The following SPRR2G variants were observed in gnomAD, a reference collection of about 807,000 sequenced individuals.
SPRR2G encodes small proline-rich protein 2G.
In SPRR2G, 1 loss-of-function variant was observed where a neutral mutation model predicts 0.7. The ratio of observed to expected loss-of-function variants is 1.49; its 90% CI spans 0.53 to 7.06. The LOEUF is 7.06. SPRR2G is among the 30% of genes most tolerant of loss of function. The pLI, the probability that SPRR2G is intolerant of heterozygous loss-of-function variation, is 0.14. For missense variants in SPRR2G, 96 were observed against 88.5 expected (o/e 1.09, Z -0.34); for synonymous variants, 38 against 33.9 (o/e 1.12, Z -0.42).
chr1:153,188,832 T>C, the SPRR2G span, among the ~76,000 whole-genome samples: 4 of 152,190 alleles, frequency 2.6e-5, no homozygotes, highest in African/African-American at 9.7e-5. Flanking sequence ...CCCTGGTCTG[T>C]GGGTTGCCAA....
the SPRR2G span, among the ~76,000 whole-genome samples, chr1:153,200,625 T>C: frequency 2.0e-5 from 3 of 152,096 alleles, no homozygotes; most frequent in Admixed American, 6.5e-5. Context: ...TATCATTTTA[T>C]AGATGAAGGA....
At chr1:153,165,844 A>G in the SPRR2G span, among the ~76,000 whole-genome samples, 4 of 152,120 alleles carry the variant, frequency 2.6e-5, no homozygotes, top group African/African-American at 9.7e-5. Flanking sequence ...GAAGATGAAA[A>G]ACTAAACTCT....
chr1:153,189,141 T>A, the SPRR2G span, among the ~76,000 whole-genome samples: 601 of 152,392 alleles, frequency 3.9e-3, 8 homozygotes, highest in African/African-American at 0.013. Context: ...ATCTATGTTC[T>A]TGAAAGAGGT....
chr1:153,167,292 T>C, the SPRR2G span, among the ~76,000 whole-genome samples: 1 of 151,278 alleles, frequency 6.6e-6, no homozygotes, highest in African/African-American at 2.4e-5. Context: ...CTGACCAACA[T>C]GGAGAAATCC....
At chr1:153,157,045 G>A in the SPRR2G span, among the ~76,000 whole-genome samples, 1 of 152,136 alleles carries the variant, frequency 6.6e-6, no homozygotes, top group African/African-American at 2.4e-5. Flanking sequence ...TACTGCCACT[G>A]CCCAGCATCA....
chr1:153,162,036 C>T, the SPRR2G span, among the ~76,000 whole-genome samples: 15 of 152,052 alleles, frequency 9.9e-5, no homozygotes, highest in East Asian at 2.7e-3. Context: ...TTCAAGGGTA[C>T]ATGTGCAGGT....
At chr1:153,169,279 A>G in the SPRR2G span, among the ~76,000 whole-genome samples, 1 of 151,982 alleles carries the variant, frequency 6.6e-6, no homozygotes, top group South Asian at 2.1e-4. Flanking sequence ...AAGGCCACCT[A>G]CCAGCCGGGG....
chr1:153,178,177 T>C, the SPRR2G span, among the ~76,000 whole-genome samples: 1 of 152,192 alleles, frequency 6.6e-6, no homozygotes, highest in African/African-American at 2.4e-5. Flanking sequence ...ATTGACCTTG[T>C]ATTCTGTGGC....
the SPRR2G span, among the ~76,000 whole-genome samples, chr1:153,195,375 G>A: frequency 3.3e-5 from 5 of 152,190 alleles, no homozygotes; most frequent in East Asian, 1.9e-4. Context: ...GATTGGACAC[G>A]TGGGCCATGT....
the SPRR2G span, among the ~76,000 whole-genome samples, chr1:153,184,889 A>G: frequency 1.3e-5 from 2 of 152,156 alleles, no homozygotes; most frequent in Non-Finnish European, 2.9e-5. Flanking sequence ...ATCAATACCT[A>G]GTTTATTGAG....
chr1:153,202,831 T>C, the SPRR2G span, among the ~76,000 whole-genome samples: 1 of 152,142 alleles, frequency 6.6e-6, no homozygotes, highest in Admixed American at 6.5e-5. Context: ...TGTCTAAGCC[T>C]ACCCACCTTT....
chr1:153,172,009 CA>C, the SPRR2G span, among the ~76,000 whole-genome samples: 2 of 152,196 alleles, frequency 1.3e-5, no homozygotes, highest in East Asian at 3.9e-4. Context: ...TTTGGTTTAC[CA>C]ATTTCCTTTT....
chr1:153,168,412 T>G, the SPRR2G span, among the ~76,000 whole-genome samples: 1 of 152,218 alleles, frequency 6.6e-6, no homozygotes, highest in Non-Finnish European at 1.5e-5. Context: ...AAGACATGCA[T>G]GTGAATGCCA....
chr1:153,194,505 C>T, the SPRR2G span, among the ~76,000 whole-genome samples: 4 of 152,180 alleles, frequency 2.6e-5, no homozygotes, highest in Admixed American at 6.5e-5. Context: ...CTTCCACCCA[C>T]ACGTGCTGCT....
At chr1:153,167,829 C>A in the SPRR2G span, among the ~76,000 whole-genome samples, 2 of 152,114 alleles carry the variant, frequency 1.3e-5, no homozygotes, top group South Asian at 2.1e-4. Flanking sequence ...TGCCCTCCAC[C>A]ACAATAATAT....
At chr1:153,166,551 T>G in the SPRR2G span, among the ~76,000 whole-genome samples, 1 of 152,250 alleles carries the variant, frequency 6.6e-6, no homozygotes, top group South Asian at 2.1e-4. Flanking sequence ...CCTTGATACC[T>G]AAGCTCTGAT....
chr1:153,155,418 A>G (rs1357734861), upstream of SPRR2G, among the ~76,000 whole-genome samples: 1 of 152,142 alleles, frequency 6.6e-6, no homozygotes, highest in Non-Finnish European at 1.5e-5. Flanking sequence ...ACAGTTCAAC[A>G]GCATAAGTAT....
At chr1:153,172,402 A>G in the SPRR2G span, among the ~76,000 whole-genome samples, 5 of 152,014 alleles carry the variant, frequency 3.3e-5, no homozygotes, top group Admixed American at 6.6e-5. Flanking sequence ...GTCTTCTATC[A>G]CTAACCTACC....
chr1:153,158,764 A>G, the SPRR2G span, among the ~76,000 whole-genome samples: 9 of 152,156 alleles, frequency 5.9e-5, no homozygotes, highest in African/African-American at 2.2e-4. Flanking sequence ...AGGCATTTCC[A>G]TACATCCTCT....
Sources: allele counts gnomAD v4.1 joint callset (sites outside exome capture counted in the v4.1 genomes callset), GRCh38; gene constraint gnomAD v4.1.1; transcripts MANE v1.5; gene names NCBI Gene and HGNC (gene_info 2026-07-23, HGNC 2026-07-21).